HLCS: variants seen among roughly 807,000 people sequenced by gnomAD.
HLCS encodes the protein holocarboxylase synthetase.
Under a neutral mutation model 75.0 loss-of-function variants are expected in HLCS, and 53 were observed. The observed-to-expected ratio is 0.71, with a 90% CI of 0.57 to 0.89. The LOEUF (loss-of-function observed/expected upper bound fraction) is 0.89, where lower values mean the gene tolerates loss of function less well. Ranked by LOEUF, HLCS falls within the 40% of genes least tolerant of loss-of-function variation. The pLI is 0.00. For missense variants in HLCS, 966 were observed against 1,074.0 expected, an observed-to-expected ratio of 0.90 and a Z score of 1.41; for synonymous variants, 431 against 428.6, an observed-to-expected ratio of 1.01 and a Z score of -0.07.
At chr21:36,852,822 C>T (rs771724690) in intron 6 of HLCS, among the ~76,000 whole-genome samples, 3 of 152,138 alleles carry the variant, frequency 2.0e-5, no homozygotes, top group Admixed American at 6.5e-5. Context: ...CACAGGACCC[C>T]GCTGAGGACA....
intron 6 of HLCS, among the ~76,000 whole-genome samples, chr21:36,824,142 T>C (rs1201682739): frequency 6.6e-6 from 1 of 152,152 alleles, no homozygotes; most frequent in Non-Finnish European, 1.5e-5. Context: ...AGTGCACACA[T>C]ATGTTTATTG....
At chr21:36,792,577 T>A (rs1005413006) in intron 6 of HLCS, among the ~76,000 whole-genome samples, 7 of 152,148 alleles carry the variant, frequency 4.6e-5, no homozygotes, top group Non-Finnish European at 7.3e-5. Flanking sequence ...CTGCTACTTA[T>A]GATTTCATTT....
At position 36,903,620 on chromosome 21, in the gene HLCS, A is replaced by G. The variant is rs538469577; in HGVS notation, c.1621-6489T>C. Among the ~76,000 whole-genome samples, 5 of 152,386 alleles carry G rather than the reference A, an allele frequency of 3.3e-5. No individual in the cohort carries two copies. In the South Asian group the frequency reaches 1.0e-3, roughly 32 times the overall value. ...AATGAAAAAGAAACAACCAGCACTA[A>G]GTAGAACTTTCAGAACAGGAATAAT... On this transcript the variant is annotated intron_variant, in intron 5 of 10. Transcript: ENST00000674895.
intron 9 of HLCS, among the ~76,000 whole-genome samples, chr21:36,758,580 G>A (rs115999629): frequency 1.4e-3 from 206 of 152,136 alleles, no homozygotes; most frequent in Middle Eastern, 0.01. Context: ...CCTGGCCTTC[G>A]CTTACCCCAC....
chr21:36,788,083 C>A (rs1030598572), intron 6 of HLCS, among the ~76,000 whole-genome samples: 4 of 152,304 alleles, frequency 2.6e-5, no homozygotes, highest in Admixed American at 1.3e-4. Flanking sequence ...GTGGGGCCAC[C>A]ACTCCCCACA....
At chr21:36,804,889 C>T (rs2061318054) in intron 6 of HLCS, among the ~76,000 whole-genome samples, 1 of 152,226 alleles carries the variant, frequency 6.6e-6, no homozygotes, top group African/African-American at 2.4e-5. Context: ...GCACTCCAAT[C>T]CTGGCGTCCA....
intron 2 of HLCS, among the ~76,000 whole-genome samples, chr21:36,960,307 G>A (rs919077009): frequency 1.4e-4 from 21 of 152,108 alleles, no homozygotes; most frequent in South Asian, 2.1e-4. Flanking sequence ...AGAAGGCACC[G>A]CTAGCCACAG....
At chr21:36,759,526 G>C (rs924168662) in intron 9 of HLCS, among the ~76,000 whole-genome samples, 1 of 152,174 alleles carries the variant, frequency 6.6e-6, no homozygotes, top group African/African-American at 2.4e-5. Flanking sequence ...GGTGGTTCCC[G>C]TGGTCACACA....
Position 36,756,571 on chromosome 21 carries a change from A to G in HLCS, c.2421T>C (p.Leu807=), listed in dbSNP as rs766430268. ...GGACCCAGTATCGGTAATAAAGGGG[A>G]AGGACGCTGTTGGGCCCTTTGTCCT... ...EFQDKGPNSV[L]PLYYRYWVHS... Residue 807 remains leucine, a synonymous_variant, in exon 10 of 11, where the codon CTT becomes CTC. Transcript: ENST00000674895. The G allele has an allele frequency of 6.2e-7, 1 of 1,613,492 alleles. No homozygotes were observed. The highest frequency in any genetic ancestry group is 1.7e-5 in the Admixed American group (1 of 59,964).
At chr21:36,764,697 C>T (rs2089972334) in intron 8 of HLCS, among the ~76,000 whole-genome samples, 1 of 151,990 alleles carries the variant, frequency 6.6e-6, no homozygotes, top group Admixed American at 6.6e-5. Context: ...AGAGTGAGAC[C>T]CTGTCTCAAT....
At chr21:36,828,293 T>C (rs116505803) in intron 6 of HLCS, among the ~76,000 whole-genome samples, 2,024 of 152,272 alleles carry the variant, frequency 0.013, 37 homozygotes, top group African/African-American at 0.046. Flanking sequence ...TAGGCCATAA[T>C]TTATTTAAAA....
At chr21:36,868,722 T>C (rs1412686042) in intron 6 of HLCS, among the ~76,000 whole-genome samples, 1 of 151,784 alleles carries the variant, frequency 6.6e-6, no homozygotes, top group Non-Finnish European at 1.5e-5. Context: ...GAAAAAACAA[T>C]TGGCTGGCAC....
At chr21:36,766,861 A>G (rs1371695961) in intron 7 of HLCS, among the ~76,000 whole-genome samples, 1 of 152,170 alleles carries the variant, frequency 6.6e-6, no homozygotes, top group Non-Finnish European at 1.5e-5. Context: ...CGCTCAGTAC[A>G]GACACAGAAG....
intron 6 of HLCS, among the ~76,000 whole-genome samples, chr21:36,782,684 A>G (rs2060569560): frequency 6.6e-6 from 1 of 152,128 alleles, no homozygotes; most frequent in Non-Finnish European, 1.5e-5. Flanking sequence ...AATTTCAGAA[A>G]CAGGCCAGGT....
intron 1 of HLCS, among the ~76,000 whole-genome samples, chr21:36,982,453 G>A (rs572194661): frequency 6.6e-6 from 1 of 152,298 alleles, no homozygotes; most frequent in South Asian, 2.1e-4. Flanking sequence ...TTATACCAAT[G>A]TACACTCCCA....
chr21:36,847,861 G>T (rs1332607364), intron 6 of HLCS, among the ~76,000 whole-genome samples: 1 of 152,090 alleles, frequency 6.6e-6, no homozygotes, highest in East Asian at 1.9e-4. Context: ...CATGTATTCT[G>T]GCAAAATTCT....
At chr21:36,856,466 T>C (rs1423657745) in intron 6 of HLCS, among the ~76,000 whole-genome samples, 1 of 152,182 alleles carries the variant, frequency 6.6e-6, no homozygotes, top group African/African-American at 2.4e-5. Context: ...TAGGTGAGAC[T>C]TTCCAAAATA....
Position 36,778,529 on chromosome 21 carries a change from T to C in HLCS, c.1893-11244A>G, listed in dbSNP as rs2060435446. The stretch of plus-strand genomic sequence containing the variant: ...CCCGACCTCAGGCGATTCACCCGCC[T>C]CGGCCTCCCAAAGTGCTGAGATTAC... On this transcript the variant is annotated intron_variant, in intron 6 of 10. Transcript: ENST00000674895. Among the ~76,000 whole-genome samples the C allele has an allele frequency of 2.0e-5, 3 of 152,090 alleles. No individual in the cohort carries two copies. In the South Asian group the frequency reaches 6.2e-4, roughly 32 times the overall value.
chr21:36,982,435 C>T (rs2069140729), intron 1 of HLCS, among the ~76,000 whole-genome samples: 1 of 152,202 alleles, frequency 6.6e-6, no homozygotes, highest in African/African-American at 2.4e-5. Flanking sequence ...AACTGTTTTC[C>T]AAAGCAGTTA....
Sources: gnomAD v4.1 joint callset for allele counts (sites outside exome capture counted in the v4.1 genomes callset) on GRCh38, gnomAD v4.1.1 for gene constraint, MANE v1.5 for transcripts, NCBI Gene and HGNC (gene_info 2026-07-23, HGNC 2026-07-21) for gene names.